Variants in MTMR12 observed in about 807,000 individuals in gnomAD.
MTMR12 encodes myotubularin related protein 12.
In MTMR12, 33 loss-of-function variants were observed where a neutral mutation model predicts 96.7. The observed-to-expected ratio is 0.34, with a 90% CI of 0.26 to 0.46. The LOEUF is 0.46. Among genes scored for constraint, MTMR12 ranks in the 20% least tolerant of loss-of-function variants. The pLI is 1.00. For missense variants in MTMR12, 721 were observed against 896.1 expected (o/e 0.80, Z 2.49); for synonymous variants, 298 against 327.2 (o/e 0.91, Z 0.96).
intron 3 of MTMR12, among the ~76,000 whole-genome samples, chr5:32,272,375 G>A (rs1749871229): frequency 6.6e-6 from 1 of 152,058 alleles, no homozygotes; most frequent in African/African-American, 2.4e-5. Flanking sequence ...TGTGAGAAAA[G>A]CTCCTGAGAT....
intron 11 of MTMR12, 121 bp from the exon 12 acceptor site, chr5:32,242,248 C>A: frequency 1.8e-6 from 1 of 564,886 alleles, no homozygotes; most frequent in Non-Finnish European, 3.0e-6. Context: ...TTTTTTTTTC[C>A]ACGCTAAAAT....
chr5:32,231,133 T>C, intron 15 of MTMR12, among the ~76,000 whole-genome samples: 1 of 152,146 alleles, frequency 6.6e-6, no homozygotes, highest in Admixed American at 6.5e-5. Context: ...CTCATGCCTG[T>C]AATCCTAGCA....
intron 8 of MTMR12, among the ~76,000 whole-genome samples, chr5:32,254,613 C>A (rs138588790): frequency 1.3e-5 from 2 of 149,232 alleles, no homozygotes; most frequent in Non-Finnish European, 3.0e-5. Flanking sequence ...GAGGCCGAGG[C>A]GGGTGGATCA....
chr5:32,245,492 T>C (rs917806107), intron 10 of MTMR12, among the ~76,000 whole-genome samples: 1 of 152,178 alleles, frequency 6.6e-6, no homozygotes, highest in African/African-American at 2.4e-5. Flanking sequence ...TGATGAAGTC[T>C]TCCTGGGCAT....
intron 13 of MTMR12, among the ~76,000 whole-genome samples, chr5:32,237,146 T>C (rs1195940816): frequency 6.6e-6 from 1 of 152,206 alleles, no homozygotes; most frequent in Admixed American, 6.5e-5. Flanking sequence ...TGTCAAGCTG[T>C]TCTGTACCAC....
rs184180756 is a variant in MTMR12 at position 32,277,735 on chromosome 5, C to T, written c.82-993G>A. Reference sequence around the variant, plus strand: ...AAAGAAAGAAAGAAAAGAGACAACACGCCACAGCATGATCCCCTCTCCTTC... The same window carrying T: ...AAAGAAAGAAAGAAAAGAGACAACATGCCACAGCATGATCCCCTCTCCTTC... On this transcript the variant is annotated intron_variant, in intron 1 of 15. Transcript: ENST00000382142. Among the ~76,000 whole-genome samples the T allele has an allele frequency of 1.3e-4, 19 of 151,976 alleles. No homozygotes were observed. The East Asian group carries it at 1.7e-3, about 14-fold the overall frequency.
chr5:32,298,952 CA>C lies in MTMR12; in HGVS notation c.81+13805del, dbSNP rs766708610. On this transcript the variant is annotated intron_variant, in intron 1 of 15. Transcript: ENST00000382142. ...TAGGCGACAGAGCGAGACTCCATCT[CA>C]AAAAAAAAAAAAAAAAAAGAACAAT... is the stretch of plus-strand genomic sequence containing the variant. Among the ~76,000 whole-genome samples, 118 of 54,642 alleles carry C rather than the reference CA, an allele frequency of 2.2e-3. 1 individual carries two copies. The highest frequency in any genetic ancestry group is 6.4e-3 in the East Asian group (14 of 2,202). The allele number at this position is 54,642 out of a possible 152,430, so 35.8% of individuals were successfully genotyped here.
chr5:32,228,603 T>TA lies in MTMR12; in HGVS notation c.*1174dup, dbSNP rs1747857830. ...ATCATATATATGTGATATATATATA[T>TA]ATATCATATATATGATATATATATA... On this transcript the variant is annotated 3_prime_UTR_variant, in exon 16 of 16. Transcript: ENST00000382142. 2 of 120,832 alleles carry TA rather than the reference T, an allele frequency of 1.7e-5. No individual in the cohort carries two copies. Among genetic ancestry groups the TA allele is most frequent in the Non-Finnish European group, 3.4e-5 (2 of 58,176 alleles). 7.5% of individuals were successfully genotyped at this position (120,832 alleles called of 1,614,324 possible).
At chr5:32,283,933 TG>T (rs1040322153) in intron 1 of MTMR12, among the ~76,000 whole-genome samples, 2 of 152,168 alleles carry the variant, frequency 1.3e-5, no homozygotes, top group African/African-American at 4.8e-5. Context: ...AAGAGTTCAA[TG>T]GGACTCCAGG....
intron 12 of MTMR12, among the ~76,000 whole-genome samples, chr5:32,240,052 A>T (rs1251888882): frequency 1.3e-5 from 2 of 152,212 alleles, no homozygotes; most frequent in Non-Finnish European, 2.9e-5. Context: ...AGTTGTTTTT[A>T]AAAAATGTCC....
chr5:32,246,196 T>C (rs1748683210), intron 10 of MTMR12, among the ~76,000 whole-genome samples: 1 of 151,642 alleles, frequency 6.6e-6, no homozygotes, highest in East Asian at 1.9e-4. Context: ...AGATGGAGTC[T>C]TGCTCTGTCA....
At chr5:32,235,779 G>A (rs996009436) in intron 13 of MTMR12, among the ~76,000 whole-genome samples, 5 of 152,214 alleles carry the variant, frequency 3.3e-5, no homozygotes, top group Non-Finnish European at 7.3e-5. Context: ...TTAGCTCCCA[G>A]AGGCGAGCCC....
intron 8 of MTMR12, among the ~76,000 whole-genome samples, chr5:32,251,697 A>G (rs75232056): frequency 0.047 from 7,144 of 152,292 alleles, 310 homozygotes; most frequent in African/African-American, 0.11. Flanking sequence ...ATGTCTTCAA[A>G]AACAGACATA....
intron 7 of MTMR12, among the ~76,000 whole-genome samples, chr5:32,257,724 C>T (rs188502237): frequency 7.4e-4 from 112 of 151,948 alleles, no homozygotes; most frequent in Non-Finnish European, 1.1e-3. Context: ...GCCAAGATTG[C>T]GCCACTCTAC....
intron 1 of MTMR12, among the ~76,000 whole-genome samples, chr5:32,308,141 G>A (rs1751428660): frequency 6.6e-6 from 1 of 152,134 alleles, no homozygotes; most frequent in Non-Finnish European, 1.5e-5. Flanking sequence ...GGCCAATATG[G>A]TGAAACCCCA....
At chr5:32,306,073 G>C (rs1751347771) in intron 1 of MTMR12, among the ~76,000 whole-genome samples, 2 of 152,248 alleles carry the variant, frequency 1.3e-5, no homozygotes. Flanking sequence ...AAAAGAAATT[G>C]CTACTAGAGA....
Position 32,233,813 on chromosome 5 carries a change from G to A in MTMR12, c.1634C>T (p.Pro545Leu). 1 of 1,614,144 alleles carries A rather than the reference G, an allele frequency of 6.2e-7. No homozygotes were observed. Among genetic ancestry groups the A allele is most frequent in the Admixed American group, 1.7e-5 (1 of 60,006 alleles). ...TTTCCGTTGGCCTTTGTCCAGTTTT[G>A]GCTTTTCCACATAAAGAGGGTTTTT... ...LLKNPLYVEK[P>L]KLDKGQRKGM... Residue 545 changes from proline (P) to leucine (L), a missense_variant, in exon 15 of 16, where the codon CCA becomes CTA. Physicochemically the swap from Pro to Leu is moderately conservative, Grantham distance 98. Coordinates refer to ENST00000382142, the MANE Select transcript of MTMR12 (RefSeq NM_001040446.3). This position sits in a 1 kb window ranked among gnomAD's most constrained non-coding sequence, Gnocchi z 5.0.
chr5:32,287,445 T>C (rs1306312342), intron 1 of MTMR12, among the ~76,000 whole-genome samples: 1 of 152,218 alleles, frequency 6.6e-6, no homozygotes, highest in African/African-American at 2.4e-5. Flanking sequence ...TTTTGAGACT[T>C]TGACAGGCTC....
intron 11 of MTMR12, among the ~76,000 whole-genome samples, chr5:32,243,035 G>A (rs1376966696): frequency 1.3e-5 from 2 of 152,132 alleles, no homozygotes; most frequent in Non-Finnish European, 2.9e-5. Flanking sequence ...CAACAGAGAA[G>A]AGCTATTCAA....
Sources: allele counts gnomAD v4.1 joint callset (sites outside exome capture counted in the v4.1 genomes callset), GRCh38; gene constraint gnomAD v4.1.1; non-coding constraint Gnocchi (gnomAD v3.1); transcripts MANE v1.5; gene names NCBI Gene and HGNC (gene_info 2026-07-23, HGNC 2026-07-21).